The following CENPL variants were observed in gnomAD, a reference collection of about 807,000 sequenced individuals.
CENPL encodes the protein centromere protein L, also known as interphase centromere complex protein 33.
In CENPL, 20 loss-of-function variants were observed where a neutral mutation model predicts 35.2. The observed-to-expected ratio is 0.57, with a 90% CI of 0.40 to 0.83. The LOEUF (loss-of-function observed/expected upper bound fraction) is 0.83, where lower values mean the gene tolerates loss of function less well. Among genes scored for constraint, CENPL ranks in the 40% least tolerant of loss-of-function variants. CENPL has a pLI of 0.00. For synonymous variants in CENPL, 140 were observed against 140.6 expected, an observed-to-expected ratio of 1.00 and a Z score of 0.03; for missense variants, 363 against 395.8, an observed-to-expected ratio of 0.92 and a Z score of 0.70.
chr1:173,803,419 A>C lies in CENPL; in HGVS notation c.507T>G (p.Ser169Arg). 6.2e-7 allele frequency: 1 copy of C among 1,614,120 alleles called. No individual in the cohort carries two copies. The highest frequency in any genetic ancestry group is 1.1e-5 in the South Asian group (1 of 91,084). Reference sequence around the variant, plus strand: ...AATCTTCTGAAACAGTCTCCAGAAGACTGTCTCCAAATACACAGCAGAACC... The same window carrying C: ...AATCTTCTGAAACAGTCTCCAGAAGCCTGTCTCCAAATACACAGCAGAACC... ...TGWFCCVFGD[S>R]LLETVSEDFT... is the part of the protein sequence containing the mutation. Residue 169 changes from serine (S) to arginine (R), a missense_variant, in exon 5 of 6, where the codon AGT (serine) becomes AGG (arginine). Ser to Arg is a moderately radical substitution (Grantham distance 110). Transcript: ENST00000682279.
intron 3 of CENPL, among the ~76,000 whole-genome samples, chr1:173,809,112 G>A (rs920177446): frequency 2.6e-5 from 4 of 152,080 alleles, no homozygotes; most frequent in South Asian, 2.1e-4. Context: ...AGGCCGAGGC[G>A]GGTGGATCAC....
intron 2 of CENPL, among the ~76,000 whole-genome samples, chr1:173,814,024 A>T (rs1243572238): frequency 6.6e-6 from 1 of 152,152 alleles, no homozygotes; most frequent in African/African-American, 2.4e-5. Flanking sequence ...AGGGGTTGCA[A>T]TCCTAATCTC....
At chr1:173,803,947 T>C (rs1649989303) in intron 4 of CENPL, among the ~76,000 whole-genome samples, 1 of 152,134 alleles carries the variant, frequency 6.6e-6, no homozygotes, top group African/African-American at 2.4e-5. Context: ...ACTAGGATTA[T>C]AGGCGTGAGC....
chr1:173,806,269 G>A (rs1650215483), intron 4 of CENPL, among the ~76,000 whole-genome samples: 1 of 152,158 alleles, frequency 6.6e-6, no homozygotes, highest in Non-Finnish European at 1.5e-5. Flanking sequence ...AGAAACAGAA[G>A]CAGCAGGCAT....
chr1:173,820,521 A>C (rs1208969006), intron 2 of CENPL, among the ~76,000 whole-genome samples: 1 of 152,132 alleles, frequency 6.6e-6, no homozygotes, highest in African/African-American at 2.4e-5. Context: ...CTAATTAATA[A>C]ATAAATAAAT....
rs1004839909 is a variant in CENPL at position 173,822,684 on chromosome 1, C to T, written c.-8+1242G>A. The T allele has an allele frequency of 4.6e-5, 7 of 152,306 alleles. No homozygotes were observed. In the East Asian group the frequency reaches 9.6e-4, roughly 21 times the overall value. 9.4% of individuals were successfully genotyped at this position (152,306 alleles called of 1,614,324 possible). ...CTTTCATCATCTTTTACTCTTCCTT[C>T]AACATCACCTTTACATCTAAAAAGT... is the stretch of plus-strand genomic sequence containing the variant. On this transcript the variant is annotated intron_variant, in intron 2 of 5. Coordinates refer to ENST00000682279, the MANE Select transcript of CENPL (RefSeq NM_001387287.1).
intron 4 of CENPL, among the ~76,000 whole-genome samples, chr1:173,805,122 C>T (rs1385342999): frequency 6.6e-6 from 1 of 152,180 alleles, no homozygotes; most frequent in Non-Finnish European, 1.5e-5. Context: ...AGATGCTTGA[C>T]TGATAATATG....
In CENPL at chr1:173,810,840, C is replaced by T. The variant is rs1481091494; in HGVS notation, c.168+292G>A. Among the ~76,000 whole-genome samples, 5 of 152,062 alleles carry T rather than the reference C, an allele frequency of 3.3e-5. No homozygotes were observed. The East Asian group carries it at 9.6e-4, about 29-fold the overall frequency. On this transcript the variant is annotated intron_variant, in intron 3 of 5. Transcript: ENST00000682279. ...GGAGGCTGAGGCAGGAGAATGGCCG[C>T]CAGGAGGCAGAGCTTGCAGTGAGCC...
chr1:173,813,999 A>G (rs563529352), intron 2 of CENPL, among the ~76,000 whole-genome samples: 73 of 152,322 alleles, frequency 4.8e-4, no homozygotes, highest in African/African-American at 1.6e-3. Context: ...AAGCAAATGG[A>G]AAGCAAAAAA....
intron 3 of CENPL, among the ~76,000 whole-genome samples, chr1:173,810,466 C>G (rs1003319027): frequency 8.6e-5 from 13 of 151,836 alleles, no homozygotes; most frequent in African/African-American, 2.7e-4. Context: ...CCATGACGCA[C>G]GTTTACCTAG....
intron 2 of CENPL, among the ~76,000 whole-genome samples, chr1:173,819,241 A>C (rs1302102978): frequency 6.6e-6 from 1 of 151,868 alleles, no homozygotes; most frequent in Non-Finnish European, 1.5e-5. Context: ...CAAGAAAAAA[A>C]GAAACACAAA....
chr1:173,817,107 T>C (rs1478787643), intron 2 of CENPL, among the ~76,000 whole-genome samples: 1 of 151,602 alleles, frequency 6.6e-6, no homozygotes, highest in African/African-American at 2.4e-5. Flanking sequence ...CCCTGCACTC[T>C]AGCCTGGGTG....
At position 173,801,417 on chromosome 1, in the gene CENPL, G is replaced by A. The variant is rs371206184; in HGVS notation, c.964-898C>T. Among the ~76,000 whole-genome samples the A allele has an allele frequency of 7.9e-5, 12 of 151,858 alleles. 1 individual carries two copies. The highest frequency in any genetic ancestry group is 2.9e-4 in the African/African-American group (12 of 41,404). ...TAATCCCAGCTACTCGGGAGGCTGA[G>A]GCAGGAGAATTGCTTGAACCCAGGA... On this transcript the variant is annotated intron_variant, in intron 5 of 5. Coordinates refer to ENST00000682279, the MANE Select transcript of CENPL (RefSeq NM_001387287.1).
chr1:173,809,389 G>C (rs1482924402), intron 3 of CENPL, among the ~76,000 whole-genome samples: 1 of 151,818 alleles, frequency 6.6e-6, no homozygotes, highest in Admixed American at 6.6e-5. Flanking sequence ...AAGAGTTCCA[G>C]ACCAGCCTGG....
rs950859424 is a variant in CENPL at position 173,824,752 on chromosome 1, T to C, written c.-642A>G. On this transcript the variant is annotated 5_prime_UTR_variant, in exon 1 of 6. Coordinates refer to ENST00000682279, the MANE Select transcript of CENPL (RefSeq NM_001387287.1). ...ATTTTGGCTTTGCTCGCCTTCCTCT[T>C]TCAGAAGACTCGAAATCGGCCAGCA... 3.7e-5 allele frequency: 7 copies of C among 188,728 alleles called. No individual in the cohort carries two copies. The highest frequency in any genetic ancestry group is 7.9e-5 in the Non-Finnish European group (7 of 88,322). The allele number at this position is 188,728 out of a possible 1,614,324, so 11.7% of individuals were successfully genotyped here. A position where few individuals can be genotyped will look rare whatever the true frequency, so the allele number is the denominator to read the frequency against.
Position 173,803,089 on chromosome 1 carries a change from T to G in CENPL, c.837A>C (p.Glu279Asp). ...HKTPGEVTQE[E>D]VDLFMDCLYS... ...AAAGGCAATCCATGAATAGGTCAAC[T>G]TCTTCCTGGGTAACCTCCCCAGGTG... The change falls in exon 5 of 6, where the codon GAA becomes GAC. Residue 279 changes from glutamate to aspartate, a missense_variant. Transcript: ENST00000682279. The G allele has an allele frequency of 6.2e-7, 1 of 1,614,032 alleles. No homozygotes were observed. The highest frequency in any genetic ancestry group is 8.5e-7 in the Non-Finnish European group (1 of 1,179,862).
At chr1:173,804,217 T>C (rs549060285) in intron 4 of CENPL, among the ~76,000 whole-genome samples, 2 of 152,372 alleles carry the variant, frequency 1.3e-5, no homozygotes, top group Admixed American at 1.3e-4. Context: ...TTCTTTTATA[T>C]GTTAGACCCT....
intron 2 of CENPL, among the ~76,000 whole-genome samples, chr1:173,821,634 TC>T (rs1438037960): frequency 6.6e-6 from 1 of 152,152 alleles, no homozygotes; most frequent in Non-Finnish European, 1.5e-5. Flanking sequence ...TTTTACCTTC[TC>T]ATCTCACACT....
At chr1:173,810,036 G>A (rs969426951) in intron 3 of CENPL, among the ~76,000 whole-genome samples, 7 of 152,058 alleles carry the variant, frequency 4.6e-5, no homozygotes, top group Admixed American at 1.3e-4. Context: ...ATATAAATCA[G>A]TCTACCATAA....
Sources: allele counts gnomAD v4.1 joint callset (sites outside exome capture counted in the v4.1 genomes callset), GRCh38; gene constraint gnomAD v4.1.1; transcripts MANE v1.5; gene names NCBI Gene and HGNC (gene_info 2026-07-23, HGNC 2026-07-21).